SLC37A1: variants seen among roughly 807,000 people sequenced by gnomAD.
SLC37A1 encodes solute carrier family 37 member 1.
SLC37A1 carries 49 observed loss-of-function variants against 75.3 expected under a neutral mutation model. That is an observed-to-expected ratio of 0.65 (90% confidence interval 0.52 to 0.83). SLC37A1 has a LOEUF of 0.83. Among genes scored for constraint, SLC37A1 ranks in the 40% least tolerant of loss-of-function variants. The probability of loss-of-function intolerance (pLI) is 0.00; values close to 1 mark genes in which losing one functional copy is unlikely to be tolerated. For missense variants in SLC37A1, 566 were observed against 695.0 expected (o/e 0.81, Z 2.09); for synonymous variants, 268 against 292.1 (o/e 0.92, Z 0.84).
chr21:42,533,216 TCAGGTTC>T (rs2055038196), intron 3 of SLC37A1, among the ~76,000 whole-genome samples: 1 of 152,112 alleles, frequency 6.6e-6, no homozygotes, highest in Non-Finnish European at 1.5e-5. Flanking sequence ...CTGGCCTCTC[TCAGGTTC>T]CAGCTCACGA....
chr21:42,527,455 A>C (rs1365319450), intron 3 of SLC37A1, among the ~76,000 whole-genome samples: 1 of 152,086 alleles, frequency 6.6e-6, no homozygotes, highest in African/African-American at 2.4e-5. Flanking sequence ...AGGGCTTCTG[A>C]GGAGGCGGCG....
intron 8 of SLC37A1, among the ~76,000 whole-genome samples, chr21:42,546,180 G>A (rs1280834945): frequency 6.6e-6 from 1 of 152,188 alleles, no homozygotes; most frequent in Non-Finnish European, 1.5e-5. Flanking sequence ...GAAGCAGTAG[G>A]GCTGGTTTCC....
chr21:42,517,678 C>T (rs1013070836), intron 1 of SLC37A1, among the ~76,000 whole-genome samples: 1 of 152,184 alleles, frequency 6.6e-6, no homozygotes, highest in Non-Finnish European at 1.5e-5. Context: ...TATTGCTCTG[C>T]CTTCAGCCCT....
chr21:42,505,654 G>A (rs1234048808), intron 2 of SLC37A1, among the ~76,000 whole-genome samples: 1 of 152,218 alleles, frequency 6.6e-6, no homozygotes, highest in Non-Finnish European at 1.5e-5. Context: ...CAACTCTACA[G>A]CAGAGACACA....
intron 10 of SLC37A1, among the ~76,000 whole-genome samples, chr21:42,556,495 G>A (rs1046594890): frequency 3.9e-5 from 6 of 152,226 alleles, no homozygotes; most frequent in East Asian, 1.9e-4. Context: ...TAAAGCGATC[G>A]TTATTACGCA....
intron 3 of SLC37A1, among the ~76,000 whole-genome samples, chr21:42,531,834 C>A (rs1195915682): frequency 6.6e-6 from 1 of 152,176 alleles, no homozygotes; most frequent in Non-Finnish European, 1.5e-5. Context: ...ACTCTTTGTG[C>A]TGGAGTAATA....
intron 17 of SLC37A1, among the ~76,000 whole-genome samples, chr21:42,573,145 C>T (rs995713079): frequency 1.3e-5 from 2 of 152,042 alleles, no homozygotes; most frequent in African/African-American, 2.4e-5. Flanking sequence ...AGTGTCCCCA[C>T]GGGTTAAGCT....
intron 5 of SLC37A1, 147 bp downstream of exon 5, chr21:42,535,697 A>G: frequency 1.4e-6 from 1 of 699,506 alleles, no homozygotes; most frequent in Non-Finnish European, 2.5e-6. Context: ...CCCAAAGACG[A>G]GGCCAAGCTT....
Position 42,547,294 on chromosome 21 carries a change from T to G in SLC37A1, c.768+154T>G. 1.2e-6 allele frequency: 1 copy of G among 819,918 alleles called. No homozygotes were observed. Among genetic ancestry groups the G allele is most frequent in the Non-Finnish European group, 2.0e-6 (1 of 502,028 alleles). 50.8% of individuals were successfully genotyped at this position (819,918 alleles called of 1,614,324 possible). A position where few individuals can be genotyped will look rare whatever the true frequency, so the allele number is the denominator to read the frequency against. Reference sequence around the variant, plus strand: ...TTGGCAGTTCTAGGAATAGAGAATATTCTGTTTTGGGTTTCGCTGATAATA... The same window carrying G: ...TTGGCAGTTCTAGGAATAGAGAATAGTCTGTTTTGGGTTTCGCTGATAATA... On this transcript the variant is annotated intron_variant, in intron 9 of 19. Coordinates refer to ENST00000352133, the MANE Select transcript of SLC37A1 (RefSeq NM_001320537.2). This position sits in a 1 kb window ranked among gnomAD's most constrained non-coding sequence, Gnocchi z 6.1.
chr21:42,521,658 C>CT (rs1441923645), intron 2 of SLC37A1, among the ~76,000 whole-genome samples: 1 of 152,234 alleles, frequency 6.6e-6, no homozygotes, highest in East Asian at 1.9e-4. Context: ...CTGAGACCTG[C>CT]TTTTTTGCTA....
Position 42,568,402 on chromosome 21 carries a change from A to G in SLC37A1, c.1387A>G (p.Thr463Ala), listed in dbSNP as rs772215100. 1.5e-5 allele frequency: 24 copies of G among 1,614,062 alleles called. No homozygotes were observed. The highest frequency in any genetic ancestry group is 1.8e-5 in the Non-Finnish European group (21 of 1,180,008). ...SLKGNAHALS[T>A]VTAIIDGTGS... ...GAAAGGCAACGCGCACGCCCTCTCC[A>G]CCGTGACGGCCATCATTGACGGGAC... is the stretch of plus-strand genomic sequence containing the variant. The change falls in exon 17 of 20, where the codon ACC becomes GCC. Residue 463 changes from threonine to alanine, a missense_variant. Coordinates refer to ENST00000352133, the MANE Select transcript of SLC37A1 (RefSeq NM_001320537.2).
At chr21:42,528,189 T>C (rs2054849606) in intron 3 of SLC37A1, among the ~76,000 whole-genome samples, 1 of 152,232 alleles carries the variant, frequency 6.6e-6, no homozygotes, top group African/African-American at 2.4e-5. Context: ...TTACCTTTGA[T>C]CACTGCTGAT....
At chr21:42,529,678 C>G (rs1454820654) in intron 3 of SLC37A1, among the ~76,000 whole-genome samples, 4 of 152,124 alleles carry the variant, frequency 2.6e-5, no homozygotes, top group Admixed American at 1.3e-4. Flanking sequence ...AAAGAAACAA[C>G]GGGCAAGGGG....
At chr21:42,536,854 TTCAAAGCTCCCTGTACCTC>T (rs1341628570) in intron 5 of SLC37A1, among the ~76,000 whole-genome samples, 1 of 152,198 alleles carries the variant, frequency 6.6e-6, no homozygotes, top group African/African-American at 2.4e-5. Context: ...CCAAATGCCC[TTCAAAGCTCCCTGTACCTC>T]TCAACACAGT....
chr21:42,545,321 T>C lies in SLC37A1; in HGVS notation c.730+1719T>C, dbSNP rs769570534. 5.3e-4 allele frequency among the ~76,000 whole-genome samples: 80 copies of C among 152,210 alleles called. 1 individual carries two copies. The highest frequency in any genetic ancestry group is 5.9e-4 in the Admixed American group (9 of 15,284). On this transcript the variant is annotated intron_variant, in intron 8 of 19. Transcript: ENST00000352133. The surrounding 1 kb of genome is among the most constrained non-coding windows in gnomAD (Gnocchi z 4.0). Reference sequence around the variant, plus strand: ...CTGTGTCTGAATGATGAGACCCAGCTGTGACAACAGTGGCTGGATGCTGAG... The same window carrying C: ...CTGTGTCTGAATGATGAGACCCAGCCGTGACAACAGTGGCTGGATGCTGAG...
At chr21:42,574,770 G>T (rs2056269486) in intron 17 of SLC37A1, 48 bp from the exon 18 acceptor site, 2 of 1,594,482 alleles carry the variant, frequency 1.3e-6, no homozygotes, top group African/African-American at 1.3e-5. Context: ...GTTATGTGCT[G>T]GGATTTTCTC....
intron 17 of SLC37A1, among the ~76,000 whole-genome samples, chr21:42,570,605 C>T (rs2056134267): frequency 1.3e-5 from 2 of 152,190 alleles, no homozygotes; most frequent in Non-Finnish European, 2.9e-5. Context: ...GTCTGCAATT[C>T]GGTCTGACTC....
At chr21:42,539,170 G>A (rs1327989677) in intron 5 of SLC37A1, among the ~76,000 whole-genome samples, 1 of 152,158 alleles carries the variant, frequency 6.6e-6, no homozygotes, top group Non-Finnish European at 1.5e-5. Flanking sequence ...TACATTTACT[G>A]GATATGGTTT....
intron 13 of SLC37A1, among the ~76,000 whole-genome samples, chr21:42,564,403 A>C (rs2055918573): frequency 6.6e-6 from 1 of 151,994 alleles, no homozygotes. Context: ...CTAAAACAAA[A>C]AAAGCAGCAG....
Sources: gnomAD v4.1 joint callset for allele counts (sites outside exome capture counted in the v4.1 genomes callset) on GRCh38, gnomAD v4.1.1 for gene constraint, Gnocchi (gnomAD v3.1) non-coding constraint, MANE v1.5 for transcripts, NCBI Gene and HGNC (gene_info 2026-07-23, HGNC 2026-07-21) for gene names.